SUV39H2: variants seen among roughly 807,000 people sequenced by gnomAD.
SUV39H2 encodes the protein SUV39H2 histone lysine methyltransferase.
A neutral mutation model predicts 47.5 loss-of-function variants in SUV39H2; 10 were observed. The ratio of observed to expected loss-of-function variants is 0.21; its 90% CI spans 0.13 to 0.36. The LOEUF (loss-of-function observed/expected upper bound fraction) is 0.36. SUV39H2 is among the 10% of genes least tolerant of loss of function. SUV39H2 has a pLI of 1.00. For missense variants in SUV39H2, 266 were observed against 487.4 expected (o/e 0.55, Z 4.28); for synonymous variants, 159 against 166.8 (o/e 0.95, Z 0.36).
chr10:14,888,690 G>T (rs1453479207), intron 2 of SUV39H2, among the ~76,000 whole-genome samples: 1 of 152,020 alleles, frequency 6.6e-6, no homozygotes, highest in African/African-American at 2.4e-5. Flanking sequence ...GAGAAAAGAT[G>T]ATGTCAGCAG....
intron 1 of SUV39H2, among the ~76,000 whole-genome samples, chr10:14,879,478 C>T (rs948882697): frequency 6.6e-6 from 1 of 152,224 alleles, no homozygotes; most frequent in Non-Finnish European, 1.5e-5. Flanking sequence ...GGTTGAGTGC[C>T]TCGTTGGAGA....
In SUV39H2 at chr10:14,896,809, C is replaced by T. The variant is rs192573860; in HGVS notation, c.178-37C>T. On this transcript the variant is annotated intron_variant, in intron 2 of 5. Transcript: ENST00000354919. The stretch of plus-strand genomic sequence containing the variant: ...ATTTTTGGTAAAACTGGGAAATAGC[C>T]GTCTGATTTGCATTTTATTTTCTTT... 1.1e-4 allele frequency: 163 copies of T among 1,477,664 alleles called. No individual in the cohort carries two copies. The African/African-American group carries it at 1.7e-3, about 15-fold the overall frequency. 91.5% of individuals were successfully genotyped at this position (1,477,664 alleles called of 1,614,324 possible).
intron 4 of SUV39H2, 39 bp downstream of exon 4, chr10:14,899,724 T>C: frequency 1.2e-6 from 2 of 1,607,214 alleles, no homozygotes; most frequent in Non-Finnish European, 1.7e-6. Context: ...CGACTAACAA[T>C]TCAACCTAGT....
chr10:14,892,597 T>G (rs1451656019), intron 2 of SUV39H2, among the ~76,000 whole-genome samples: 1 of 152,160 alleles, frequency 6.6e-6, no homozygotes, highest in Non-Finnish European at 1.5e-5. Flanking sequence ...CTTTTCTCAT[T>G]GTCTCAGCTG....
intron 1 of SUV39H2, chr10:14,880,020 C>T (rs1328531027): frequency 6.6e-6 from 1 of 151,034 alleles, no homozygotes; most frequent in African/African-American, 2.4e-5. Context: ...ACAAACACAC[C>T]TTGAGTAGAT....
chr10:14,897,047 A>C lies in SUV39H2; in HGVS notation c.379A>C (p.Ile127Leu). The change falls in exon 3 of 6, where the codon ATT becomes CTT. Residue 127 changes from isoleucine to leucine, a missense_variant. Transcript: ENST00000354919. ...TTTGAAACCTGCCATTGCTGAGTAC[A>C]TTGTGAAGAAGGCTAAACAAAGGAT... ...KTLKPAIAEY[I>L]VKKAKQRIAL... The C allele has an allele frequency of 6.2e-7, 1 of 1,614,156 alleles. No homozygotes were observed. The highest frequency in any genetic ancestry group is 8.5e-7 in the Non-Finnish European group (1 of 1,180,034).
rs534836129 is a variant in SUV39H2, at chr10:14,892,585, C to A, written c.178-4261C>A. Among the ~76,000 whole-genome samples, 6 of 152,244 alleles carry A rather than the reference C, an allele frequency of 3.9e-5. No homozygotes were observed. The South Asian group carries it at 1.2e-3, about 32-fold the overall frequency. ...TGTAGTGTGTACTGCTTTCTGTCTT[C>A]CCTTTTCTCATTGTCTCAGCTGCAT... On this transcript the variant is annotated intron_variant, in intron 2 of 5. Transcript: ENST00000354919.
At chr10:14,896,708 G>A in intron 2 of SUV39H2, 138 bp from the exon 3 acceptor site, 1 of 617,810 alleles carries the variant, frequency 1.6e-6, no homozygotes, top group Admixed American at 3.2e-5. Flanking sequence ...CATGTGTTAG[G>A]AACCTGTGAC....
intron 2 of SUV39H2, among the ~76,000 whole-genome samples, chr10:14,896,476 G>T (rs1480453098): frequency 1.3e-5 from 2 of 152,114 alleles, no homozygotes; most frequent in African/African-American, 4.8e-5. Flanking sequence ...ACTAACCTAG[G>T]TCATAAAGAG....
At chr10:14,879,187 G>A in intron 1 of SUV39H2, 2 of 1,113,784 alleles carry the variant, frequency 1.8e-6, no homozygotes, top group South Asian at 4.4e-5. Flanking sequence ...CCGCCCGCTC[G>A]GCCCGGCCCC....
chr10:14,878,984 C>T, intron 1 of SUV39H2, 65 bp downstream of exon 1: 2 of 1,343,086 alleles, frequency 1.5e-6, no homozygotes, highest in Non-Finnish European at 9.6e-7. Flanking sequence ...GCCCGGGCGG[C>T]GGGGCCGTCC....
At chr10:14,881,275 C>T (rs1488619187) in intron 1 of SUV39H2, among the ~76,000 whole-genome samples, 1 of 152,054 alleles carries the variant, frequency 6.6e-6, no homozygotes, top group African/African-American at 2.4e-5. Flanking sequence ...GTCAGTTAAA[C>T]GTAGTGGAAT....
At chr10:14,878,956 C>A in intron 1 of SUV39H2, 37 bp downstream of exon 1, 1 of 1,427,388 alleles carries the variant, frequency 7.0e-7, no homozygotes, top group Non-Finnish European at 9.2e-7. Context: ...CTTCCCTGTT[C>A]CCAGGCAAGC....
chr10:14,894,659 G>T (rs1429803929), intron 2 of SUV39H2, among the ~76,000 whole-genome samples: 1 of 57,434 alleles, frequency 1.7e-5, no homozygotes, highest in South Asian at 8.4e-4. Context: ...GAGCCACCGC[G>T]CCCGGCCGCA....
rs1412774885 is a variant in SUV39H2 at position 14,894,364 on chromosome 10, T to TG, written c.178-2482_178-2481insG. On this transcript the variant is annotated intron_variant, in intron 2 of 5. Transcript: ENST00000354919. Reference sequence around the variant, plus strand: ...TTCAAAAGAAAGCAAAGTTTTTTTTTTTTTTTTTTTTTTTTTTTTTTGAGA... The same window carrying TG: ...TTCAAAAGAAAGCAAAGTTTTTTTTTGTTTTTTTTTTTTTTTTTTTTTGAGA... Among the ~76,000 whole-genome samples, 97 of 78,396 alleles carry TG rather than the reference T, an allele frequency of 1.2e-3. 20 individuals are homozygous for TG. Among genetic ancestry groups the TG allele is most frequent in the South Asian group, 5.7e-4 (1 of 1,744 alleles). 51.4% of individuals were successfully genotyped at this position (78,396 alleles called of 152,430 possible).
chr10:14,891,080 CA>C (rs1169231493), intron 2 of SUV39H2, among the ~76,000 whole-genome samples: 1 of 152,044 alleles, frequency 6.6e-6, no homozygotes, highest in Non-Finnish European at 1.5e-5. Context: ...GAAATTGGAA[CA>C]AAAAGGAGTT....
chr10:14,881,319 T>G (rs182715928), intron 1 of SUV39H2, among the ~76,000 whole-genome samples, 181 bp from the exon 2 acceptor site: 79 of 152,348 alleles, frequency 5.2e-4, no homozygotes, highest in African/African-American at 1.7e-3. Context: ...AACACCAATT[T>G]AACAAAATAG....
chr10:14,886,623 G>A (rs191598112), intron 2 of SUV39H2, among the ~76,000 whole-genome samples: 1 of 152,288 alleles, frequency 6.6e-6, no homozygotes, highest in Admixed American at 6.5e-5. Context: ...GCAGCATTCT[G>A]TTGACTCGTA....
intron 1 of SUV39H2, among the ~76,000 whole-genome samples, chr10:14,880,995 T>C (rs535004447): frequency 3.9e-4 from 60 of 152,302 alleles, no homozygotes; most frequent in African/African-American, 1.4e-3. Flanking sequence ...TAGAAATATA[T>C]TTTAATTAGA....
Sources: allele counts gnomAD v4.1 joint callset (sites outside exome capture counted in the v4.1 genomes callset), GRCh38; gene constraint gnomAD v4.1.1; transcripts MANE v1.5; gene names NCBI Gene and HGNC (gene_info 2026-07-23, HGNC 2026-07-21).